Variants in CRLS1 observed in about 807,000 individuals in gnomAD.
The protein encoded by CRLS1 is cardiolipin synthase (CMP-forming).
CRLS1 carries 24 observed loss-of-function variants against 37.0 expected under a neutral mutation model. That is an observed-to-expected ratio of 0.65 (90% CI 0.47 to 0.91). The LOEUF is 0.91. Ranked by LOEUF, CRLS1 falls within the 40% of genes least tolerant of loss-of-function variation. The pLI, the probability that CRLS1 is intolerant of heterozygous loss-of-function variation, is 0.00. For missense variants in CRLS1, 373 were observed against 395.8 expected, an observed-to-expected ratio of 0.94 and a Z score of 0.49; for synonymous variants, 135 against 159.7, an observed-to-expected ratio of 0.85 and a Z score of 1.17.
intron 1 of CRLS1, among the ~76,000 whole-genome samples, chr20:6,008,144 G>C (rs2090084694): frequency 5.6e-5 from 1 of 17,790 alleles, no homozygotes. Context: ...AGAATCTTCA[G>C]AAATGGAATT....
rs556332809 is a variant in CRLS1, at chr20:6,031,008, A to T, written c.575-277A>T. On this transcript the variant is annotated intron_variant, in intron 3 of 6. Transcript: ENST00000378863. ...TAGCTTAAAAACATGCAAGAAAAAA[A>T]CACAAACAGATGAGAAGATCAGCAT... 1.5e-3 allele frequency among the ~76,000 whole-genome samples: 229 copies of T among 152,140 alleles called. 3 individuals carry two copies. Among genetic ancestry groups the T allele is most frequent in the Non-Finnish European group, 5.7e-4 (39 of 68,040 alleles).
Position 6,031,228 on chromosome 20 carries a change from A to G in CRLS1, c.575-57A>G, listed in dbSNP as rs1600387628. The G allele has an allele frequency of 2.7e-6, 3 of 1,101,086 alleles. No individual in the cohort carries two copies. In the East Asian group the frequency reaches 7.3e-5, roughly 27 times the overall value. 68.2% of individuals were successfully genotyped at this position (1,101,086 alleles called of 1,614,324 possible). A position where few individuals can be genotyped will look rare whatever the true frequency, so the allele number is the denominator to read the frequency against. The stretch of plus-strand genomic sequence containing the variant: ...TGAATGACATATTATTGTATTCATA[A>G]TGCATATTAGTACTCTTCAGAATCC... On this transcript the variant is annotated intron_variant, in intron 3 of 6. Coordinates refer to ENST00000378863, the MANE Select transcript of CRLS1 (RefSeq NM_019095.6).
intron 2 of CRLS1, 90 bp downstream of exon 2, chr20:6,010,002 C>T (rs2090111961): frequency 5.6e-6 from 7 of 1,260,608 alleles, no homozygotes; most frequent in Non-Finnish European, 7.4e-6. Context: ...GCCTGCTTTT[C>T]CTTGGGAGGA....
Position 6,032,055 on chromosome 20 carries a change from G to C in CRLS1, c.704G>C (p.Arg235Thr). 1 of 1,612,918 alleles carries C rather than the reference G, an allele frequency of 6.2e-7. No homozygotes were observed. ...KYFNPCYATA[R>T]LKPTFISKVN... ...TTCAATCCTTGCTATGCCACTGCTAGGTTAAAACCAACATTCATCAGCAAG... is the reference window on the plus strand; with the variant it reads ...TTCAATCCTTGCTATGCCACTGCTACGTTAAAACCAACATTCATCAGCAAG... The change falls in exon 5 of 7, where the codon AGG becomes ACG. Residue 235 changes from arginine to threonine, a missense_variant. Transcript: ENST00000378863.
intron 3 of CRLS1, among the ~76,000 whole-genome samples, chr20:6,016,765 A>G (rs376616530): frequency 6.6e-5 from 10 of 152,096 alleles, no homozygotes; most frequent in African/African-American, 2.4e-4. Context: ...TTCACTGGCA[A>G]TCTTAGAGTT....
At chr20:6,016,716 T>A (rs946674375) in intron 3 of CRLS1, among the ~76,000 whole-genome samples, 1 of 152,254 alleles carries the variant, frequency 6.6e-6, no homozygotes, top group African/African-American at 2.4e-5. Flanking sequence ...GTTTTACTTA[T>A]ATGATTGGTG....
At chr20:6,036,039 A>G (rs1311443165) in intron 6 of CRLS1, among the ~76,000 whole-genome samples, 2 of 152,110 alleles carry the variant, frequency 1.3e-5, no homozygotes, top group Non-Finnish European at 2.9e-5. Flanking sequence ...TCCTGGCCTC[A>G]GTTGATCCAC....
chr20:6,036,695 T>TTGGAGGATGAGTCCTTC (rs796697464), intron 6 of CRLS1, among the ~76,000 whole-genome samples: 14 of 152,226 alleles, frequency 9.2e-5, no homozygotes, highest in South Asian at 2.1e-4. Context: ...GAGAAGTCCT[T>TTGGAGGATGAGTCCTTC]TGGAGGATGA....
At chr20:6,009,013 G>A (rs1339676036) in intron 1 of CRLS1, among the ~76,000 whole-genome samples, 9 of 152,176 alleles carry the variant, frequency 5.9e-5, no homozygotes, top group Admixed American at 5.9e-4. Context: ...CATGTGTTCT[G>A]TCTTCCCTCT....
intron 3 of CRLS1, among the ~76,000 whole-genome samples, chr20:6,019,622 ACTT>A (rs1369325829): frequency 7.6e-6 from 1 of 132,090 alleles, no homozygotes. Flanking sequence ...GTTGTTTACT[ACTT>A]CATTACATCT....
chr20:6,006,933 C>T (rs113592771), intron 1 of CRLS1: 4 of 599,762 alleles, frequency 6.7e-6, no homozygotes, highest in Non-Finnish European at 8.4e-6. Flanking sequence ...GAAAGGTATA[C>T]AGGCCCTTCT....
rs1213492066 is a variant in CRLS1 at position 6,006,305 on chromosome 20, C to A, written c.59C>A (p.Ala20Asp). The A allele has an allele frequency of 1.5e-6, 2 of 1,318,258 alleles. No homozygotes were observed. Among genetic ancestry groups the A allele is most frequent in the African/African-American group, 1.5e-5 (1 of 65,494 alleles). 81.7% of individuals were successfully genotyped at this position (1,318,258 alleles called of 1,614,324 possible). The change falls in exon 1 of 7, where the codon GCT becomes GAT. Residue 20 changes from alanine to aspartate, a missense_variant. By Grantham distance (126) the Ala-to-Asp change is moderately radical. Coordinates refer to ENST00000378863, the MANE Select transcript of CRLS1 (RefSeq NM_019095.6). ...SWGALRGAAWAPGTRPSKRRA... is the reference protein window; with the variant it reads ...SWGALRGAAWDPGTRPSKRRA... ...GGGGCCCTGCGCGGCGCCGCTTGGG[C>A]TCCGGGAACGCGGCCGAGTAAGCGA...
At chr20:6,033,641 C>A (rs1222928203) in intron 5 of CRLS1, among the ~76,000 whole-genome samples, 1 of 151,542 alleles carries the variant, frequency 6.6e-6, no homozygotes, top group East Asian at 2.0e-4. Context: ...TGTAGGGAAG[C>A]CTACTCATTT....
chr20:6,006,769 C>A (rs1176909468), intron 1 of CRLS1: 2 of 985,248 alleles, frequency 2.0e-6, no homozygotes, highest in Non-Finnish European at 1.2e-6. Context: ...GTTAGAAATC[C>A]TCTCATCCCC....
intron 4 of CRLS1, 75 bp from the exon 5 acceptor site, chr20:6,031,937 A>C: frequency 8.9e-7 from 1 of 1,123,262 alleles, no homozygotes; most frequent in South Asian, 1.3e-5. Flanking sequence ...GTATAATAAC[A>C]AAATGTCTAT....
intron 3 of CRLS1, among the ~76,000 whole-genome samples, chr20:6,017,642 A>T (rs1199964719): frequency 6.6e-6 from 1 of 152,082 alleles, no homozygotes; most frequent in Non-Finnish European, 1.5e-5. Context: ...ATTTGTTTCC[A>T]TTTGTTACAA....
chr20:6,012,732 C>T (rs1978424936), intron 2 of CRLS1, among the ~76,000 whole-genome samples: 1 of 152,038 alleles, frequency 6.6e-6, no homozygotes, highest in Admixed American at 6.6e-5. Context: ...TGGGAGCTGT[C>T]AGATATAGAT....
At chr20:6,035,790 AT>A (rs547859130) in intron 6 of CRLS1, among the ~76,000 whole-genome samples, 7 of 149,372 alleles carry the variant, frequency 4.7e-5, no homozygotes, top group African/African-American at 1.2e-4. Flanking sequence ...ACACCTGGCT[AT>A]TTTTTTTTAA....
chr20:6,010,593 G>T (rs1234414568), intron 2 of CRLS1, among the ~76,000 whole-genome samples: 1 of 152,214 alleles, frequency 6.6e-6, no homozygotes, highest in Non-Finnish European at 1.5e-5. Flanking sequence ...TTTGATAGAG[G>T]AGAGGAGGAT....
Sources: allele counts gnomAD v4.1 joint callset (sites outside exome capture counted in the v4.1 genomes callset), GRCh38; gene constraint gnomAD v4.1.1; transcripts MANE v1.5; gene names NCBI Gene and HGNC (gene_info 2026-07-23, HGNC 2026-07-21).